Variants in FEZ1 observed in about 807,000 individuals in gnomAD.
FEZ1 encodes the protein fasciculation and elongation protein zeta 1.
In FEZ1, 20 loss-of-function variants were observed where a neutral mutation model predicts 49.3. The ratio of observed to expected loss-of-function variants is 0.41; its 90% CI spans 0.29 to 0.59. FEZ1 has a LOEUF of 0.59. Among genes scored for constraint, FEZ1 ranks in the 20% least tolerant of loss-of-function variants. The pLI, the probability that FEZ1 is intolerant of heterozygous loss-of-function variation, is 0.36. For synonymous variants in FEZ1, 170 were observed against 180.9 expected, an observed-to-expected ratio of 0.94 and a Z score of 0.48; for missense variants, 413 against 476.0, an observed-to-expected ratio of 0.87 and a Z score of 1.23.
chr11:125,463,790 T>A (rs1957097363), intron 3 of FEZ1, among the ~76,000 whole-genome samples: 1 of 152,124 alleles, frequency 6.6e-6, no homozygotes, highest in South Asian at 2.1e-4. Flanking sequence ...CAGCACTGAA[T>A]CCAACTTGGC....
intron 3 of FEZ1, among the ~76,000 whole-genome samples, chr11:125,479,494 C>T (rs1265593711): frequency 1.3e-5 from 2 of 152,180 alleles, no homozygotes; most frequent in Non-Finnish European, 2.9e-5. Flanking sequence ...TTGCTTTTAA[C>T]ATAGAGCCAT....
intron 3 of FEZ1, among the ~76,000 whole-genome samples, chr11:125,476,651 T>C (rs1957236513): frequency 6.6e-6 from 1 of 152,026 alleles, no homozygotes; most frequent in Non-Finnish European, 1.5e-5. Flanking sequence ...AAAAGTCATA[T>C]AATAAAGGAG....
intron 5 of FEZ1, among the ~76,000 whole-genome samples, chr11:125,459,407 C>G (rs552832347): frequency 6.6e-6 from 1 of 151,940 alleles, no homozygotes; most frequent in Admixed American, 6.6e-5. Flanking sequence ...GCCTGGCCAA[C>G]GTGGAGAAAC....
At chr11:125,482,476 T>TATA (rs1957290965) in intron 2 of FEZ1, among the ~76,000 whole-genome samples, 1 of 152,194 alleles carries the variant, frequency 6.6e-6, no homozygotes, top group African/African-American at 2.4e-5. Flanking sequence ...AAGAAAGGAT[T>TATA]TCTACAATTC....
chr11:125,449,002 C>T (rs1044565886), intron 8 of FEZ1, among the ~76,000 whole-genome samples: 1 of 152,090 alleles, frequency 6.6e-6, no homozygotes, highest in South Asian at 2.1e-4. Context: ...GCAAGAGCCA[C>T]AGTGTTTGTC....
In FEZ1 at chr11:125,496,204, CA is replaced by C. The variant is rs1426686424; in HGVS notation, c.-130del. The C allele has an allele frequency of 6.6e-6, 1 of 152,434 alleles. No homozygotes were observed. Among genetic ancestry groups the C allele is most frequent in the Non-Finnish European group, 1.5e-5 (1 of 68,330 alleles). The allele number at this position is 152,434 out of a possible 1,614,324, so 9.4% of individuals were successfully genotyped here. On this transcript the variant is annotated 5_prime_UTR_variant, in exon 1 of 10. Transcript: ENST00000278919. ...ACGGGCCGCGGGAGCGGCCGGAGCG[CA>C]GCGCAGCGCAGCGGAGAGCCAGCCA...
At chr11:125,470,863 A>T (rs1186909451) in intron 3 of FEZ1, among the ~76,000 whole-genome samples, 2 of 152,224 alleles carry the variant, frequency 1.3e-5, no homozygotes, top group Non-Finnish European at 2.9e-5. Flanking sequence ...CTTAAAAGAC[A>T]ACTAACTGTC....
In FEZ1 at chr11:125,444,919, C is replaced by T. The variant is rs666286; in HGVS notation, c.*1176G>A. On this transcript the variant is annotated 3_prime_UTR_variant, in exon 10 of 10. Coordinates refer to ENST00000278919, the MANE Select transcript of FEZ1 (RefSeq NM_005103.5). ...TGATGCTGTGATGTGTGCTAATGCACGATGAAGCCAGTGCAGGCTACAGCA... is the reference window on the plus strand; with the variant it reads ...TGATGCTGTGATGTGTGCTAATGCATGATGAAGCCAGTGCAGGCTACAGCA... Among the ~76,000 whole-genome samples the T allele has an allele frequency of 7.9e-5, 12 of 152,312 alleles. No homozygotes were observed. The highest frequency in any genetic ancestry group is 9.6e-5 in the African/African-American group (4 of 41,582).
intron 1 of FEZ1, among the ~76,000 whole-genome samples, chr11:125,493,817 G>A (rs1957429810): frequency 6.6e-6 from 1 of 152,176 alleles, no homozygotes; most frequent in Non-Finnish European, 1.5e-5. Flanking sequence ...GGAATGACAG[G>A]GGAGAAGCAG....
At chr11:125,454,258 G>T (rs1359487260) in intron 6 of FEZ1, 48 bp from the exon 7 acceptor site, 1 of 1,453,624 alleles carries the variant, frequency 6.9e-7, no homozygotes. Flanking sequence ...TTGCTACACT[G>T]TCACCACACC....
intron 9 of FEZ1, 64 bp from the exon 10 acceptor site, chr11:125,446,175 C>T: frequency 6.6e-7 from 1 of 1,519,188 alleles, no homozygotes. Context: ...ACCTCCGAGC[C>T]CTGGATAGCC....
rs752083025 is a variant in FEZ1, at chr11:125,463,577, A to G, written c.412-7T>C. Reference sequence around the variant, plus strand: ...CCTCTTCTTTCTCATGGATCTGGAGAGGAGGTGGGGAGATGGAATTCTGGG... The same window carrying G: ...CCTCTTCTTTCTCATGGATCTGGAGGGGAGGTGGGGAGATGGAATTCTGGG... On this transcript the variant is annotated splice_region_variant and splice_polypyrimidine_tract_variant and intron_variant, in intron 3 of 9. Coordinates refer to ENST00000278919, the MANE Select transcript of FEZ1 (RefSeq NM_005103.5). The G allele has an allele frequency of 4.4e-6, 7 of 1,577,806 alleles. No individual in the cohort carries two copies. Among genetic ancestry groups the G allele is most frequent in the Non-Finnish European group, 6.1e-6 (7 of 1,147,408 alleles).
In FEZ1 at chr11:125,496,265, C is replaced by G. The variant is rs1016831175; in HGVS notation, c.-190G>C. 6.5e-6 allele frequency: 1 copy of G among 153,732 alleles called. No homozygotes were observed. The highest frequency in any genetic ancestry group is 1.4e-5 in the Non-Finnish European group (1 of 69,422). The allele number at this position is 153,732 out of a possible 1,614,324, so 9.5% of individuals were successfully genotyped here. A position where few individuals can be genotyped will look rare whatever the true frequency, so the allele number is the denominator to read the frequency against. On this transcript the variant is annotated 5_prime_UTR_variant, in exon 1 of 10. Transcript: ENST00000278919. Reference sequence around the variant, plus strand: ...CCAGCGAGCGCTCCCCGCGCAGCTCCGGCGGCGCCCGGCTCCGCTCCCGCC... The same window carrying G: ...CCAGCGAGCGCTCCCCGCGCAGCTCGGGCGGCGCCCGGCTCCGCTCCCGCC...
intron 5 of FEZ1, among the ~76,000 whole-genome samples, chr11:125,457,427 A>T (rs867634296): frequency 0.016 from 426 of 26,762 alleles, 1 homozygote; most frequent in African/African-American, 0.045. Context: ...AAAAAAAAAA[A>T]AAATATATAT....
chr11:125,490,076 G>A (rs1957367003), intron 1 of FEZ1, among the ~76,000 whole-genome samples: 1 of 152,094 alleles, frequency 6.6e-6, no homozygotes, highest in Non-Finnish European at 1.5e-5. Context: ...CACCTCAAAG[G>A]GCTGTTAGAA....
intron 3 of FEZ1, among the ~76,000 whole-genome samples, chr11:125,470,089 G>A (rs901137877): frequency 1.1e-4 from 16 of 152,116 alleles, no homozygotes; most frequent in African/African-American, 3.9e-4. Context: ...CAACATGAAA[G>A]ATGAAAATGT....
At chr11:125,484,987 CT>C (rs1420731405) in intron 2 of FEZ1, among the ~76,000 whole-genome samples, 1 of 152,156 alleles carries the variant, frequency 6.6e-6, no homozygotes, top group Non-Finnish European at 1.5e-5. Context: ...AAGCAGGGTT[CT>C]TGGGAGTGTG....
chr11:125,484,902 C>G (rs1034019920), intron 2 of FEZ1, among the ~76,000 whole-genome samples: 5 of 152,018 alleles, frequency 3.3e-5, no homozygotes, highest in African/African-American at 1.2e-4. Context: ...GCCAATGCAG[C>G]CAGGGCAGGG....
rs1175716800 is a variant in FEZ1 at position 125,464,078 on chromosome 11, G to A, written c.412-508C>T. Reference sequence around the variant, plus strand: ...TTTGATGAAATGCCATCCTGTTACTGGAATCCAGGCATGATGTCATAGCTG... The same window carrying A: ...TTTGATGAAATGCCATCCTGTTACTAGAATCCAGGCATGATGTCATAGCTG... On this transcript the variant is annotated intron_variant, in intron 3 of 9. Transcript: ENST00000278919. Among the ~76,000 whole-genome samples, 5 of 152,148 alleles carry A rather than the reference G, an allele frequency of 3.3e-5. No individual in the cohort carries two copies. In the South Asian group the frequency reaches 8.3e-4, roughly 25 times the overall value.
Sources: allele counts gnomAD v4.1 joint callset (sites outside exome capture counted in the v4.1 genomes callset), GRCh38; gene constraint gnomAD v4.1.1; transcripts MANE v1.5; gene names NCBI Gene and HGNC (gene_info 2026-07-23, HGNC 2026-07-21).